The following MAP3K5 variants were observed in gnomAD, a reference collection of about 807,000 sequenced individuals.
MAP3K5 encodes the protein mitogen-activated protein kinase kinase kinase 5.
Under a neutral mutation model 158.7 loss-of-function variants are expected in MAP3K5, and 56 were observed. The observed-to-expected ratio is 0.35, with a 90% CI of 0.28 to 0.44. The LOEUF (loss-of-function observed/expected upper bound fraction) is 0.44, where lower values mean the gene tolerates loss of function less well. Among genes scored for constraint, MAP3K5 ranks in the 20% least tolerant of loss-of-function variants. The pLI, the probability that MAP3K5 is intolerant of heterozygous loss-of-function variation, is 1.00. For missense variants in MAP3K5, 1,294 were observed against 1,674.8 expected (o/e 0.77, Z 3.97); for synonymous variants, 579 against 601.7 (o/e 0.96, Z 0.55).
At chr6:136,670,242 A>G (rs902332067) in intron 7 of MAP3K5, among the ~76,000 whole-genome samples, 2 of 150,894 alleles carry the variant, frequency 1.3e-5, no homozygotes, top group Non-Finnish European at 3.0e-5. Flanking sequence ...TTTATTTTCA[A>G]GGTAATACTT....
intron 14 of MAP3K5, among the ~76,000 whole-genome samples, chr6:136,636,048 C>T (rs1447966722): frequency 6.6e-6 from 1 of 152,092 alleles, no homozygotes; most frequent in Non-Finnish European, 1.5e-5. Flanking sequence ...TTCATTTTCA[C>T]TTTAACATTA....
At chr6:136,745,118 G>A (rs1001379321) in intron 1 of MAP3K5, among the ~76,000 whole-genome samples, 9 of 151,178 alleles carry the variant, frequency 6.0e-5, no homozygotes, top group South Asian at 2.1e-4. Context: ...GGGCAGCAGC[G>A]GGCATACACT....
chr6:136,747,916 C>G (rs547425285), intron 1 of MAP3K5, among the ~76,000 whole-genome samples: 1 of 152,258 alleles, frequency 6.6e-6, no homozygotes, highest in Non-Finnish European at 1.5e-5. Context: ...ATGAAGCCAA[C>G]TTTAGCCAAC....
At chr6:136,789,518 T>G (rs1784981097) in intron 1 of MAP3K5, among the ~76,000 whole-genome samples, 1 of 151,894 alleles carries the variant, frequency 6.6e-6, no homozygotes, top group African/African-American at 2.4e-5. Flanking sequence ...AAAAAGAGGC[T>G]TCCGAGAGCA....
chr6:136,622,684 A>T (rs1776860904), intron 15 of MAP3K5, among the ~76,000 whole-genome samples, 164 bp downstream of exon 15: 1 of 152,196 alleles, frequency 6.6e-6, no homozygotes, highest in African/African-American at 2.4e-5. Flanking sequence ...CCAGTCTGGC[A>T]CTTCAAACAC....
At chr6:136,673,673 T>G (rs147771469) in intron 7 of MAP3K5, among the ~76,000 whole-genome samples, 1 of 146,836 alleles carries the variant, frequency 6.8e-6, no homozygotes, top group Non-Finnish European at 1.5e-5. Flanking sequence ...CTAAAATGCA[T>G]GTCAATAGAA....
chr6:136,771,221 T>C (rs894115894), intron 1 of MAP3K5, among the ~76,000 whole-genome samples: 1 of 152,162 alleles, frequency 6.6e-6, no homozygotes, highest in African/African-American at 2.4e-5. Flanking sequence ...GAATGAAACC[T>C]AGCTGATTTC....
At chr6:136,615,220 G>T (rs952917919) in intron 15 of MAP3K5, among the ~76,000 whole-genome samples, 2 of 152,154 alleles carry the variant, frequency 1.3e-5, no homozygotes, top group Admixed American at 6.5e-5. Context: ...CATGAGCCAG[G>T]CAGTATCCAA....
chr6:136,602,376 C>T (rs1388767151), intron 19 of MAP3K5, among the ~76,000 whole-genome samples: 6 of 152,278 alleles, frequency 3.9e-5, no homozygotes, highest in Admixed American at 3.9e-4. Flanking sequence ...AATCTCAGCT[C>T]ACTGCAGTCT....
At chr6:136,607,266 G>T (rs766391398) in intron 18 of MAP3K5, among the ~76,000 whole-genome samples, 1 of 152,114 alleles carries the variant, frequency 6.6e-6, no homozygotes, top group Non-Finnish European at 1.5e-5. Flanking sequence ...AGCTAAGTGG[G>T]AGTTATAGTG....
chr6:136,669,907 G>A (rs1322816011), intron 7 of MAP3K5, among the ~76,000 whole-genome samples: 3 of 151,450 alleles, frequency 2.0e-5, no homozygotes, highest in Non-Finnish European at 1.5e-5. Flanking sequence ...GTGTGTGTGT[G>A]TGTGTGTGTG....
intron 28 of MAP3K5, among the ~76,000 whole-genome samples, chr6:136,560,101 T>A (rs181185933): frequency 6.6e-6 from 1 of 152,186 alleles, no homozygotes; most frequent in Non-Finnish European, 1.5e-5. Flanking sequence ...ATTAAGAGGG[T>A]CTTTCTATCA....
chr6:136,710,128 A>G (rs1781247368), intron 2 of MAP3K5, among the ~76,000 whole-genome samples: 1 of 152,208 alleles, frequency 6.6e-6, no homozygotes, highest in Admixed American at 6.5e-5. Context: ...CTCAATCCAA[A>G]TAAATAACAA....
chr6:136,733,640 T>A (rs1562655515), intron 1 of MAP3K5, among the ~76,000 whole-genome samples: 3 of 152,196 alleles, frequency 2.0e-5, no homozygotes, highest in Non-Finnish European at 4.4e-5. Flanking sequence ...AAAAACCTTT[T>A]TTTTTAGAGC....
intron 1 of MAP3K5, among the ~76,000 whole-genome samples, chr6:136,737,657 T>C (rs915957150): frequency 6.6e-6 from 1 of 152,214 alleles, no homozygotes; most frequent in Admixed American, 6.5e-5. Flanking sequence ...GAACTCCCTT[T>C]ACTCTGTTCT....
intron 1 of MAP3K5, among the ~76,000 whole-genome samples, chr6:136,774,194 T>A (rs773960085): frequency 1.2e-4 from 19 of 152,162 alleles, no homozygotes; most frequent in Non-Finnish European, 2.2e-4. Context: ...TCCTGAAGAA[T>A]CCTCCATGAT....
chr6:136,772,180 G>A (rs1053186367), intron 1 of MAP3K5, among the ~76,000 whole-genome samples: 23 of 149,354 alleles, frequency 1.5e-4, no homozygotes, highest in South Asian at 1.3e-3. Flanking sequence ...GCCTCCCAAA[G>A]TCCTGGGATT....
At chr6:136,714,231 A>C (rs1435050261) in intron 2 of MAP3K5, among the ~76,000 whole-genome samples, 1 of 152,200 alleles carries the variant, frequency 6.6e-6, no homozygotes, top group Admixed American at 6.5e-5. Context: ...CTCCAAATAC[A>C]GGTAAGAATT....
chr6:136,790,692 T>C (rs1229005265), intron 1 of MAP3K5, among the ~76,000 whole-genome samples: 1 of 152,204 alleles, frequency 6.6e-6, no homozygotes, highest in Non-Finnish European at 1.5e-5. Flanking sequence ...ATAAAGCCTT[T>C]TATGTGATCA....
Sources: gnomAD v4.1 joint callset for allele counts (sites outside exome capture counted in the v4.1 genomes callset) on GRCh38, gnomAD v4.1.1 for gene constraint, MANE v1.5 for transcripts, NCBI Gene and HGNC (gene_info 2026-07-23, HGNC 2026-07-21) for gene names.